The following STPG4 variants were observed in gnomAD, a reference collection of about 807,000 sequenced individuals.
STPG4 encodes protein STPG4.
STPG4 carries 41 observed loss-of-function variants against 31.5 expected under a neutral mutation model. The ratio of observed to expected loss-of-function variants is 1.30; its 90% CI spans 1.01 to 1.69. The LOEUF is 1.69. STPG4 is among the 40% of genes most tolerant of loss of function. The pLI is 0.00. For synonymous variants in STPG4, 141 were observed against 103.0 expected (o/e 1.37, Z -2.24); for missense variants, 375 against 293.4 (o/e 1.28, Z -2.03).
intron 5 of STPG4, among the ~76,000 whole-genome samples, chr2:47,094,218 C>T (rs1685627699): frequency 6.6e-6 from 1 of 152,318 alleles, no homozygotes; most frequent in South Asian, 2.1e-4. Context: ...TTTCTTAAAC[C>T]TTGCTTTTGT....
intron 3 of STPG4, among the ~76,000 whole-genome samples, chr2:47,131,322 T>C (rs1686479392): frequency 6.6e-6 from 1 of 151,922 alleles, no homozygotes; most frequent in African/African-American, 2.4e-5. Flanking sequence ...AGACAAACTC[T>C]CACTATGTTG....
At chr2:47,116,455 G>T (rs1369739675) in intron 5 of STPG4, among the ~76,000 whole-genome samples, 3 of 152,158 alleles carry the variant, frequency 2.0e-5, no homozygotes, top group Non-Finnish European at 1.5e-5. Context: ...TTAAACATCT[G>T]TGAAAATTCC....
intron 5 of STPG4, among the ~76,000 whole-genome samples, chr2:47,121,631 TAAAC>T (rs1292695877): frequency 6.6e-6 from 1 of 152,208 alleles, no homozygotes; most frequent in Non-Finnish European, 1.5e-5. Context: ...TTCAGTGTCT[TAAAC>T]AAACAAATTT....
intron 5 of STPG4, among the ~76,000 whole-genome samples, chr2:47,101,408 G>C (rs983847345): frequency 6.6e-6 from 1 of 151,704 alleles, no homozygotes; most frequent in South Asian, 2.1e-4. Context: ...AACTCTAAAA[G>C]CATGTCACCC....
intron 5 of STPG4, among the ~76,000 whole-genome samples, chr2:47,125,738 A>C (rs201546573): frequency 9.4e-6 from 1 of 106,198 alleles, no homozygotes; most frequent in Admixed American, 8.7e-5. Context: ...TTTTTTTTTT[A>C]ACTAGAGACA....
At chr2:47,092,393 G>T (rs1417868870) in intron 5 of STPG4, among the ~76,000 whole-genome samples, 1 of 150,516 alleles carries the variant, frequency 6.6e-6, no homozygotes, top group Non-Finnish European at 1.5e-5. Context: ...CCAGTTGTGG[G>T]GGTGTGTTCC....
chr2:47,102,970 G>A (rs1685831338), intron 5 of STPG4, among the ~76,000 whole-genome samples: 1 of 151,840 alleles, frequency 6.6e-6, no homozygotes, highest in East Asian at 1.9e-4. Flanking sequence ...ATCAAACCCT[G>A]GCCTGTAATG....
At chr2:47,119,517 T>A (rs1376823878) in intron 5 of STPG4, among the ~76,000 whole-genome samples, 1 of 152,206 alleles carries the variant, frequency 6.6e-6, no homozygotes, top group East Asian at 1.9e-4. Flanking sequence ...AGTAAACAAA[T>A]CATTATTAAC....
At chr2:47,117,398 G>A (rs1392048096) in intron 5 of STPG4, among the ~76,000 whole-genome samples, 1 of 152,078 alleles carries the variant, frequency 6.6e-6, no homozygotes, top group East Asian at 1.9e-4. Context: ...TAGTAGAGAT[G>A]GGGTTTCTCC....
chr2:47,093,338 C>G (rs1685608457), intron 5 of STPG4, among the ~76,000 whole-genome samples: 2 of 152,184 alleles, frequency 1.3e-5, no homozygotes, highest in Admixed American at 1.3e-4. Flanking sequence ...GTGAGGCTCT[C>G]TGTGTGGTGT....
intron 3 of STPG4, among the ~76,000 whole-genome samples, chr2:47,136,195 G>C (rs893401876): frequency 1.3e-5 from 2 of 151,946 alleles, no homozygotes; most frequent in African/African-American, 4.8e-5. Context: ...GCCCAGGCTG[G>C]AGGGAAATGG....
At chr2:47,107,050 T>C (rs911443102) in intron 5 of STPG4, among the ~76,000 whole-genome samples, 3 of 151,962 alleles carry the variant, frequency 2.0e-5, no homozygotes, top group African/African-American at 4.8e-5. Flanking sequence ...GAACGGTCAT[T>C]GGCCAAATTC....
At chr2:47,096,250 A>G (rs907144299) in intron 5 of STPG4, among the ~76,000 whole-genome samples, 2 of 152,190 alleles carry the variant, frequency 1.3e-5, no homozygotes, top group African/African-American at 4.8e-5. Flanking sequence ...AAAGGGATGT[A>G]TAGGATGCTA....
At position 47,091,438 on chromosome 2, in the gene STPG4, C is replaced by G. The variant is rs147335698; in HGVS notation, c.520-1064G>C. ...AGGGAAAATGGGAATAGCCCAAACA[C>G]CACACTGGATAATGCTAACATGATG... On this transcript the variant is annotated intron_variant, in intron 5 of 6. Coordinates refer to ENST00000445927, the MANE Select transcript of STPG4 (RefSeq NM_001163561.2). 3.8e-4 allele frequency among the ~76,000 whole-genome samples: 58 copies of G among 152,330 alleles called. 3 individuals are homozygous for G. The East Asian group carries it at 0.011, about 28-fold the overall frequency.
At chr2:47,129,583 G>A in intron 5 of STPG4, 1 of 215,808 alleles carries the variant, frequency 4.6e-6, no homozygotes, top group East Asian at 1.2e-4. Context: ...CCCGTGCAAA[G>A]TCCCCCCGTC....
At chr2:47,123,298 C>G (rs1558680692) in intron 5 of STPG4, among the ~76,000 whole-genome samples, 1 of 152,016 alleles carries the variant, frequency 6.6e-6, no homozygotes, top group African/African-American at 2.4e-5. Context: ...AGGAAAGAAA[C>G]AGAGAGGTGC....
intron 5 of STPG4, among the ~76,000 whole-genome samples, chr2:47,127,104 C>T (rs1686380109): frequency 6.6e-6 from 1 of 151,994 alleles, no homozygotes; most frequent in Non-Finnish European, 1.5e-5. Flanking sequence ...AAACTTTCTA[C>T]TTCAATCTCT....
chr2:47,093,254 C>T (rs560305396), intron 5 of STPG4, among the ~76,000 whole-genome samples: 1 of 152,284 alleles, frequency 6.6e-6, no homozygotes, highest in East Asian at 1.9e-4. Context: ...ATCATTTTTA[C>T]AACTCATGGC....
intron 5 of STPG4, among the ~76,000 whole-genome samples, chr2:47,118,103 G>A (rs1277178989): frequency 6.6e-6 from 1 of 152,064 alleles, no homozygotes; most frequent in Non-Finnish European, 1.5e-5. Context: ...TTTTAAGCGA[G>A]TTGCTTACGT....
Sources: allele counts gnomAD v4.1 joint callset (sites outside exome capture counted in the v4.1 genomes callset), GRCh38; gene constraint gnomAD v4.1.1; transcripts MANE v1.5; gene names NCBI Gene and HGNC (gene_info 2026-07-23, HGNC 2026-07-21).